The following RBFOX3 variants were observed in gnomAD, a reference collection of about 807,000 sequenced individuals.
RBFOX3 encodes RNA binding fox-1 homolog 3.
RBFOX3 carries 17 observed loss-of-function variants against 48.7 expected under a neutral mutation model. The ratio of observed to expected loss-of-function variants is 0.35; its 90% CI spans 0.24 to 0.52. The LOEUF (loss-of-function observed/expected upper bound fraction) is 0.52. RBFOX3 is among the 20% of genes least tolerant of loss of function. The pLI, the probability that RBFOX3 is intolerant of heterozygous loss-of-function variation, is 0.94. For missense variants in RBFOX3, 382 were observed against 497.5 expected, an observed-to-expected ratio of 0.77 and a Z score of 2.21; for synonymous variants, 212 against 209.5, an observed-to-expected ratio of 1.01 and a Z score of -0.10.
chr17:79,656,071 CT>C, the RBFOX3 span, among the ~76,000 whole-genome samples: 1 of 152,222 alleles, frequency 6.6e-6, no homozygotes, highest in Non-Finnish European at 1.5e-5. Flanking sequence ...CGCACTCTTG[CT>C]TCTGAGATCA....
In RBFOX3 at chr17:79,146,179, C is replaced by T. The variant is rs924218328; in HGVS notation, c.-33-30431G>A. 2.0e-5 allele frequency among the ~76,000 whole-genome samples: 3 copies of T among 152,160 alleles called. 1 individual carries two copies. The South Asian group carries it at 6.2e-4, about 32-fold the overall frequency. ...CCCGCTGCTCACCTCCTGCTGTGCGCCCCAGTTCCCACCAAGCCATGGAGG... is the reference window on the plus strand; with the variant it reads ...CCCGCTGCTCACCTCCTGCTGTGCGTCCCAGTTCCCACCAAGCCATGGAGG... On this transcript the variant is annotated intron_variant, in intron 4 of 14. Coordinates refer to ENST00000693108, the MANE Select transcript of RBFOX3 (RefSeq NM_001350451.2).
intron 4 of RBFOX3, among the ~76,000 whole-genome samples, chr17:79,202,471 T>C (rs971259291): frequency 1.3e-5 from 2 of 152,190 alleles, no homozygotes; most frequent in South Asian, 2.1e-4. Flanking sequence ...ATCCCTTATA[T>C]AAGCGCAGAG....
intron 3 of RBFOX3, among the ~76,000 whole-genome samples, chr17:79,256,852 G>A (rs1360720766): frequency 6.6e-6 from 1 of 152,046 alleles, no homozygotes; most frequent in African/African-American, 2.4e-5. Context: ...AACCTGGGAG[G>A]TGGAGGTTGC....
At chr17:79,415,912 C>A (rs1250957818) in intron 2 of RBFOX3, among the ~76,000 whole-genome samples, 1 of 152,082 alleles carries the variant, frequency 6.6e-6, no homozygotes, top group East Asian at 1.9e-4. Context: ...CTGGAGCAGG[C>A]CCCTCCCACC....
rs1423468439 is a variant in RBFOX3, at chr17:79,195,125, G to A, written c.-34+40641C>T. 7.2e-5 allele frequency among the ~76,000 whole-genome samples: 11 copies of A among 152,176 alleles called. No individual in the cohort carries two copies. The highest frequency in any genetic ancestry group is 1.3e-4 in the Non-Finnish European group (9 of 68,026). The stretch of plus-strand genomic sequence containing the variant: ...CAAGAAGAAGTGCAGGCCGGGTGCC[G>A]TGGCTGATGCCTGTAATCCCGGCAC... On this transcript the variant is annotated intron_variant, in intron 4 of 14. Transcript: ENST00000693108. The surrounding 1 kb of genome is among the most constrained non-coding windows in gnomAD (Gnocchi z 5.3).
chr17:79,179,951 C>T (rs1295783343), intron 4 of RBFOX3, among the ~76,000 whole-genome samples: 8 of 152,208 alleles, frequency 5.3e-5, no homozygotes. Context: ...AAGTGGGGCT[C>T]CTGGAGGTGG....
chr17:79,282,948 A>C (rs1043046908), intron 3 of RBFOX3, among the ~76,000 whole-genome samples: 2 of 152,382 alleles, frequency 1.3e-5, no homozygotes, highest in Admixed American at 6.5e-5. Flanking sequence ...CCACCCAGCC[A>C]GTGGTTCTCA....
chr17:79,461,885 G>A (rs1468938528), intron 2 of RBFOX3, among the ~76,000 whole-genome samples: 1 of 152,224 alleles, frequency 6.6e-6, no homozygotes, highest in Non-Finnish European at 1.5e-5. Flanking sequence ...TGGGTGGCCA[G>A]CAACCCCCAG....
intron 2 of RBFOX3, among the ~76,000 whole-genome samples, chr17:79,397,495 A>C (rs11077434): frequency 0.61 from 85,781 of 141,048 alleles, 26,470 homozygotes; most frequent in East Asian, 0.69. Context: ...TCCATCCCCA[A>C]AAAAAAAAAA....
chr17:79,259,966 C>A lies in RBFOX3; in HGVS notation c.-73-24161G>T, dbSNP rs1293251369. 2.0e-5 allele frequency among the ~76,000 whole-genome samples: 3 copies of A among 152,182 alleles called. No individual in the cohort carries two copies. The East Asian group carries it at 5.8e-4, about 29-fold the overall frequency. On this transcript the variant is annotated intron_variant, in intron 3 of 14. Transcript: ENST00000693108. ...TGTGAATCCAGTCAGGTGGGCTGGG[C>A]AGCCAGATGCTGAGCCCCTTCCTGG...
intron 2 of RBFOX3, among the ~76,000 whole-genome samples, chr17:79,371,808 GCC>G (rs1319044799): frequency 2.0e-5 from 3 of 152,182 alleles, no homozygotes; most frequent in Non-Finnish European, 4.4e-5. Flanking sequence ...GGTCAGCCGT[GCC>G]CTGAGGGACC....
chr17:79,477,189 C>T lies in RBFOX3; in HGVS notation c.-175+5265G>A, dbSNP rs764270248. 1.6e-4 allele frequency among the ~76,000 whole-genome samples: 23 copies of T among 147,732 alleles called. No homozygotes were observed. Among genetic ancestry groups the T allele is most frequent in the South Asian group, 2.2e-4 (1 of 4,620 alleles). ...TAGAGGTTGCAGTGAGCTGAGATCG[C>T]GCCACTGCACTCCAGCCTGGGTGAA... On this transcript the variant is annotated intron_variant, in intron 2 of 14. Transcript: ENST00000693108. The surrounding 1 kb of genome is among the most constrained non-coding windows in gnomAD (Gnocchi z 4.8).
chr17:79,489,768 GC>G (rs2080221249), intron 1 of RBFOX3, among the ~76,000 whole-genome samples: 1 of 152,148 alleles, frequency 6.6e-6, no homozygotes, highest in Admixed American at 6.5e-5. Flanking sequence ...CTCCCTGGGT[GC>G]CAGTGGTTCT....
chr17:79,442,614 A>G (rs1348175659), intron 2 of RBFOX3, among the ~76,000 whole-genome samples: 1 of 152,084 alleles, frequency 6.6e-6, no homozygotes, highest in African/African-American at 2.4e-5. Flanking sequence ...CTCTGCTACA[A>G]TTGTGTGTTT....
chr17:79,614,903 G>C (rs938343321), upstream of RBFOX3, among the ~76,000 whole-genome samples: 1,591 of 152,012 alleles, frequency 0.01, 28 homozygotes, highest in African/African-American at 0.036. Flanking sequence ...TTCTAACCCC[G>C]ACCCCCATAG....
intron 1 of RBFOX3, among the ~76,000 whole-genome samples, chr17:79,562,306 G>GC (rs2092273795): frequency 6.6e-6 from 1 of 152,290 alleles, no homozygotes; most frequent in African/African-American, 2.4e-5. Context: ...TGCCTCTAGG[G>GC]CCAGAGTCCT....
intron 1 of RBFOX3, among the ~76,000 whole-genome samples, chr17:79,487,308 C>T (rs976333422): frequency 8.5e-5 from 13 of 152,346 alleles, no homozygotes; most frequent in African/African-American, 3.1e-4. Flanking sequence ...AGTCAGATGA[C>T]CTGCCCTGGC....
At chr17:79,395,558 C>T (rs868693096) in intron 2 of RBFOX3, among the ~76,000 whole-genome samples, 18 of 152,346 alleles carry the variant, frequency 1.2e-4, no homozygotes, top group Middle Eastern at 6.8e-3. Flanking sequence ...TTACAGTGGA[C>T]AGCGAGGTTC....
the RBFOX3 span, among the ~76,000 whole-genome samples, chr17:79,620,573 GCACACA>G: frequency 1.2e-5 from 1 of 84,942 alleles, no homozygotes; most frequent in African/African-American, 4.1e-5. Context: ...ACCCGCGCGT[GCACACA>G]CGCACGCACA....
Sources: gnomAD v4.1 joint callset for allele counts (sites outside exome capture counted in the v4.1 genomes callset) on GRCh38, gnomAD v4.1.1 for gene constraint, Gnocchi (gnomAD v3.1) non-coding constraint, MANE v1.5 for transcripts, NCBI Gene and HGNC (gene_info 2026-07-23, HGNC 2026-07-21) for gene names.